B3GLCT: variants seen among roughly 807,000 people sequenced by gnomAD.
B3GLCT encodes beta 3-glucosyltransferase.
A neutral mutation model predicts 63.4 loss-of-function variants in B3GLCT; 65 were observed. The observed-to-expected ratio is 1.03, with a 90% CI of 0.84 to 1.26. The LOEUF is 1.26. B3GLCT is among the 50% of genes most tolerant of loss of function. The pLI is 0.00. For missense variants in B3GLCT, 577 were observed against 604.8 expected, an observed-to-expected ratio of 0.95 and a Z score of 0.48; for synonymous variants, 233 against 219.2, an observed-to-expected ratio of 1.06 and a Z score of -0.55.
chr13:31,326,660 G>A (rs1875643766), intron 14 of B3GLCT, among the ~76,000 whole-genome samples: 1 of 151,992 alleles, frequency 6.6e-6, no homozygotes, highest in African/African-American at 2.4e-5. Context: ...TGTTCCTCAA[G>A]TTCTTCACCA....
Position 31,316,232 on chromosome 13 carries a change from G to A in B3GLCT, c.1065-1334G>A, listed in dbSNP as rs116654634. Among the ~76,000 whole-genome samples, 600 of 151,114 alleles carry A rather than the reference G, an allele frequency of 4.0e-3. 3 individuals are homozygous for A. Among genetic ancestry groups the A allele is most frequent in the African/African-American group, 0.014 (571 of 41,170 alleles). On this transcript the variant is annotated intron_variant, in intron 12 of 14. Transcript: ENST00000343307. ...ACCCCAGAATGGTAAATCCAGTGAC[G>A]GCTTCCTCTGTGCACCTTGGAAAAG... is the stretch of plus-strand genomic sequence containing the variant.
In B3GLCT at chr13:31,250,766, G is replaced by A. The variant is rs552071134; in HGVS notation, c.459+2800G>A. ...CCCTGGGACAGAGAACCTGGGGGAAGGGGCAGTTGTGGGCGCCACTTCAGC... is the reference window on the plus strand; with the variant it reads ...CCCTGGGACAGAGAACCTGGGGGAAAGGGCAGTTGTGGGCGCCACTTCAGC... On this transcript the variant is annotated intron_variant, in intron 6 of 14. Transcript: ENST00000343307. Among the ~76,000 whole-genome samples the A allele has an allele frequency of 5.9e-5, 9 of 152,342 alleles. 1 individual carries two copies. In the South Asian group the frequency reaches 1.4e-3, roughly 25 times the overall value.
At chr13:31,261,120 G>A in intron 7 of B3GLCT, 38 bp downstream of exon 7, 1 of 1,581,162 alleles carries the variant, frequency 6.3e-7, no homozygotes, top group African/African-American at 1.4e-5. Context: ...GGGCGGGAGG[G>A]GTGTGCATCA....
In B3GLCT at chr13:31,291,371, A is replaced by G. The variant is rs144328364; in HGVS notation, c.1064+4552A>G. Among the ~76,000 whole-genome samples, 245 of 152,236 alleles carry G rather than the reference A, an allele frequency of 1.6e-3. 2 individuals carry two copies. The highest frequency in any genetic ancestry group is 5.2e-3 in the African/African-American group (217 of 41,546). On this transcript the variant is annotated intron_variant, in intron 12 of 14. Coordinates refer to ENST00000343307, the MANE Select transcript of B3GLCT (RefSeq NM_194318.4). ...TTTTCTAATTCTGTGAAGAAAGTCA[A>G]TGGTAGCTTGATGGGGATTGCATTG... is the stretch of plus-strand genomic sequence containing the variant.
At chr13:31,279,743 G>A (rs973309245) in intron 10 of B3GLCT, among the ~76,000 whole-genome samples, 7 of 152,104 alleles carry the variant, frequency 4.6e-5, no homozygotes, top group Non-Finnish European at 7.4e-5. Context: ...AATTTATTAC[G>A]CAGGAATTTC....
At chr13:31,326,275 CT>C (rs11415456) in intron 14 of B3GLCT, among the ~76,000 whole-genome samples, 118 of 75,908 alleles carry the variant, frequency 1.6e-3, no homozygotes, top group African/African-American at 5.8e-3. Flanking sequence ...AGGTCTTTCC[CT>C]TTTTTTTTTT....
At chr13:31,327,308 A>G (rs968752719) in intron 14 of B3GLCT, among the ~76,000 whole-genome samples, 3 of 152,206 alleles carry the variant, frequency 2.0e-5, no homozygotes, top group Admixed American at 6.5e-5. Context: ...AAGCACTGTG[A>G]TACTGCTGCA....
chr13:31,292,195 G>A (rs1388240812), intron 12 of B3GLCT, among the ~76,000 whole-genome samples: 1 of 152,152 alleles, frequency 6.6e-6, no homozygotes, highest in Non-Finnish European at 1.5e-5. Context: ...GGTTTTTGAT[G>A]TGCTGCTGGA....
intron 12 of B3GLCT, among the ~76,000 whole-genome samples, chr13:31,317,100 A>T (rs1207226902): frequency 6.6e-6 from 1 of 152,222 alleles, no homozygotes; most frequent in Non-Finnish European, 1.5e-5. Flanking sequence ...CAGGGGCCCA[A>T]CATGCATTTG....
chr13:31,328,692 CAAAAAAAAAAAAA>C (rs34729471), intron 14 of B3GLCT, among the ~76,000 whole-genome samples: 1 of 45,442 alleles, frequency 2.2e-5, no homozygotes, highest in Middle Eastern at 0.038. Flanking sequence ...AACTCCATCT[CAAAAAAAAAAAAA>C]AAAAAAAAAA....
At chr13:31,230,220 A>G (rs993413271) in intron 4 of B3GLCT, among the ~76,000 whole-genome samples, 1 of 152,194 alleles carries the variant, frequency 6.6e-6, no homozygotes, top group Admixed American at 6.5e-5. Context: ...TGCTCTGAAT[A>G]ATACTGGAGG....
intron 10 of B3GLCT, among the ~76,000 whole-genome samples, chr13:31,281,605 G>C (rs896246260): frequency 6.6e-6 from 1 of 152,120 alleles, no homozygotes; most frequent in African/African-American, 2.4e-5. Flanking sequence ...GCATCCAGGA[G>C]GGATACTTTT....
intron 7 of B3GLCT, among the ~76,000 whole-genome samples, chr13:31,267,695 A>G (rs1872394020): frequency 6.6e-6 from 1 of 152,172 alleles, no homozygotes; most frequent in South Asian, 2.1e-4. Flanking sequence ...AATGAAGCAC[A>G]TTTATCCTGT....
chr13:31,247,100 G>A lies in B3GLCT; in HGVS notation c.347+1G>A. ...GGACCATACTTCCGTTGTTACCGCA[G>A]TACGTTTGTTTAACTCACCTGTGAA... is the stretch of plus-strand genomic sequence containing the variant. On this transcript the variant is annotated splice_donor_variant, in intron 5 of 14. Transcript: ENST00000343307. LOFTEE classifies it high-confidence loss of function. 3.1e-6 allele frequency: 5 copies of A among 1,611,532 alleles called. No individual in the cohort carries two copies. Among genetic ancestry groups the A allele is most frequent in the Non-Finnish European group, 3.4e-6 (4 of 1,177,928 alleles).
chr13:31,264,575 C>A (rs1872201585), intron 7 of B3GLCT, among the ~76,000 whole-genome samples: 2 of 152,128 alleles, frequency 1.3e-5, no homozygotes, highest in African/African-American at 4.8e-5. Flanking sequence ...CCGATGCCAA[C>A]AAGTAATCAA....
rs1872129923 is a variant in B3GLCT, at chr13:31,263,253, T to C, written c.596+2171T>C. ...CCTGTCTTCCTTTAGCAAGACTTTC[T>C]TGGAGACCTCTTGATGCTGAATTCA... On this transcript the variant is annotated intron_variant, in intron 7 of 14. Coordinates refer to ENST00000343307, the MANE Select transcript of B3GLCT (RefSeq NM_194318.4). Among the ~76,000 whole-genome samples the C allele has an allele frequency of 3.3e-5, 5 of 152,370 alleles. No individual in the cohort carries two copies. The South Asian group carries it at 8.3e-4, about 25-fold the overall frequency.
chr13:31,322,470 A>C (rs1875374430), intron 13 of B3GLCT, among the ~76,000 whole-genome samples: 1 of 152,254 alleles, frequency 6.6e-6, no homozygotes, highest in Non-Finnish European at 1.5e-5. Flanking sequence ...AATGTTTAAT[A>C]GTTGGTGGCC....
chr13:31,247,249 A>G (rs190780284), intron 5 of B3GLCT, 150 bp downstream of exon 5: 5 of 670,424 alleles, frequency 7.5e-6, no homozygotes, highest in East Asian at 2.7e-5. Context: ...ACCTTAACCA[A>G]ATTTCTTGAT....
intron 1 of B3GLCT, among the ~76,000 whole-genome samples, chr13:31,208,850 C>A (rs1869116948): frequency 6.6e-6 from 1 of 152,082 alleles, no homozygotes; most frequent in Non-Finnish European, 1.5e-5. Flanking sequence ...ATACCACCCC[C>A]TCCCATGATA....
Sources: allele counts gnomAD v4.1 joint callset (sites outside exome capture counted in the v4.1 genomes callset), GRCh38; gene constraint gnomAD v4.1.1; transcripts MANE v1.5; gene names NCBI Gene and HGNC (gene_info 2026-07-23, HGNC 2026-07-21).